SNX9: variants seen among roughly 807,000 people sequenced by gnomAD.
The protein encoded by SNX9 is sorting nexin 9, also known as sorting nexin-9.
In SNX9, 44 loss-of-function variants were observed where a neutral mutation model predicts 89.4. The observed-to-expected ratio is 0.49, with a 90% CI of 0.39 to 0.63. SNX9 has a LOEUF of 0.63. SNX9 is among the 30% of genes least tolerant of loss of function. The pLI, the probability that SNX9 is intolerant of heterozygous loss-of-function variation, is 0.00. For missense variants in SNX9, 578 were observed against 736.1 expected (o/e 0.79, Z 2.49); for synonymous variants, 236 against 247.8 (o/e 0.95, Z 0.45).
intron 1 of SNX9, among the ~76,000 whole-genome samples, chr6:157,838,969 T>G (rs1781640757): frequency 6.6e-6 from 1 of 152,226 alleles, no homozygotes; most frequent in African/African-American, 2.4e-5. Flanking sequence ...TCCTTTTGAT[T>G]TCCAGGTAAG....
intron 1 of SNX9, among the ~76,000 whole-genome samples, chr6:157,828,660 C>T (rs1180288114): frequency 6.6e-6 from 1 of 151,906 alleles, no homozygotes; most frequent in Non-Finnish European, 1.5e-5. Context: ...TGCCCAGCTA[C>T]TTTTTGTATT....
Position 157,945,074 on chromosome 6 carries a change from G to A in SNX9, c.*2236G>A, listed in dbSNP as rs930696981. ...CAATCACATAACTTTTACAAATATA[G>A]TGGAAAAAAAGTCAGTATTTGGAGA... On this transcript the variant is annotated 3_prime_UTR_variant, in exon 18 of 18. Coordinates refer to ENST00000392185, the MANE Select transcript of SNX9 (RefSeq NM_016224.5). The A allele has an allele frequency of 1.3e-5, 2 of 152,138 alleles. No homozygotes were observed. Among genetic ancestry groups the A allele is most frequent in the Non-Finnish European group, 2.9e-5 (2 of 68,028 alleles). The allele number at this position is 152,138 out of a possible 1,614,324, so 9.4% of individuals were successfully genotyped here. A position where few individuals can be genotyped will look rare whatever the true frequency, so the allele number is the denominator to read the frequency against.
intron 1 of SNX9, among the ~76,000 whole-genome samples, chr6:157,833,965 C>T (rs1781522555): frequency 6.6e-6 from 1 of 152,010 alleles, no homozygotes; most frequent in African/African-American, 2.4e-5. Context: ...AGGAGTTGGA[C>T]TTAAGTCTGT....
intron 1 of SNX9, among the ~76,000 whole-genome samples, chr6:157,824,011 T>A (rs183419079): frequency 2.6e-5 from 4 of 152,350 alleles, no homozygotes; most frequent in Non-Finnish European, 4.4e-5. Context: ...TCGCTGCTGT[T>A]ATTTTTTTCT....
chr6:157,942,666 A>G, intron 17 of SNX9, 125 bp from the exon 18 acceptor site: 1 of 1,036,304 alleles, frequency 9.6e-7, no homozygotes, highest in East Asian at 2.5e-5. Context: ...GGCTGGTGCC[A>G]AAAAGACCAG....
intron 9 of SNX9, among the ~76,000 whole-genome samples, chr6:157,917,158 G>C (rs1783489239): frequency 1.3e-5 from 2 of 152,008 alleles, no homozygotes; most frequent in African/African-American, 4.8e-5. Flanking sequence ...GAAGTTGTTA[G>C]GTATAGTTTT....
At chr6:157,887,219 A>C (rs1405616182) in intron 4 of SNX9, among the ~76,000 whole-genome samples, 1 of 152,148 alleles carries the variant, frequency 6.6e-6, no homozygotes, top group African/African-American at 2.4e-5. Flanking sequence ...AGCAACATTT[A>C]GCTTAGGGAT....
At chr6:157,866,362 C>T (rs1708547914) in intron 1 of SNX9, among the ~76,000 whole-genome samples, 1 of 152,082 alleles carries the variant, frequency 6.6e-6, no homozygotes, top group Admixed American at 6.6e-5. Flanking sequence ...TCTCTTGAGC[C>T]CAGGAGTTTG....
At chr6:157,894,726 G>C (rs8180647) in intron 4 of SNX9, among the ~76,000 whole-genome samples, 32,980 of 152,120 alleles carry the variant, frequency 0.22, 3,651 homozygotes, top group Non-Finnish European at 0.23. Flanking sequence ...ACCCCTCAGC[G>C]TGACAGTTGT....
At chr6:157,839,265 A>G (rs947805180) in intron 1 of SNX9, among the ~76,000 whole-genome samples, 3 of 152,232 alleles carry the variant, frequency 2.0e-5, no homozygotes, top group Admixed American at 6.5e-5. Flanking sequence ...GTGATTCATT[A>G]TAGCTGTTAC....
intron 9 of SNX9, among the ~76,000 whole-genome samples, chr6:157,918,341 A>T (rs1322407998): frequency 6.6e-6 from 1 of 152,150 alleles, no homozygotes; most frequent in Non-Finnish European, 1.5e-5. Context: ...GTGACCTCTT[A>T]TATCATGAGG....
At chr6:157,824,801 C>T (rs1220416277) in intron 1 of SNX9, among the ~76,000 whole-genome samples, 1 of 152,096 alleles carries the variant, frequency 6.6e-6, no homozygotes, top group Non-Finnish European at 1.5e-5. Flanking sequence ...AACTTGCCAC[C>T]TTTTTAACGT....
At chr6:157,931,882 G>C (rs771402582) in intron 12 of SNX9, among the ~76,000 whole-genome samples, 9 of 152,158 alleles carry the variant, frequency 5.9e-5, no homozygotes, top group African/African-American at 9.7e-5. Context: ...GATCAAGCGC[G>C]GTGTCGCTAG....
At chr6:157,906,265 C>A in intron 7 of SNX9, 53 bp downstream of exon 7, 1 of 1,407,348 alleles carries the variant, frequency 7.1e-7, no homozygotes, top group Non-Finnish European at 9.8e-7. Context: ...CTTTCTTATA[C>A]CGTACTTTAA....
intron 1 of SNX9, among the ~76,000 whole-genome samples, chr6:157,857,815 G>A (rs1055822375): frequency 4.6e-5 from 7 of 151,490 alleles, no homozygotes; most frequent in Non-Finnish European, 1.0e-4. Flanking sequence ...ATGATATTGG[G>A]GCTTCTCATC....
intron 1 of SNX9, 74 bp from the exon 2 acceptor site, chr6:157,867,473 A>AACTGT (rs147349073): frequency 0.05 from 60,281 of 1,196,600 alleles, 1,836 homozygotes; most frequent in East Asian, 0.1. Context: ...TTAGAAAGTG[A>AACTGT]ACTGTACACC....
chr6:157,858,758 GAAGCAAAGGGACAT>G (rs761954332), intron 1 of SNX9, among the ~76,000 whole-genome samples: 1 of 152,320 alleles, frequency 6.6e-6, no homozygotes, highest in Non-Finnish European at 1.5e-5. Flanking sequence ...AGGCAAAGGA[GAAGCAAAGGGACAT>G]CTTACATGGC....
intron 1 of SNX9, among the ~76,000 whole-genome samples, chr6:157,845,879 T>C (rs1181015885): frequency 6.6e-6 from 1 of 152,248 alleles, no homozygotes; most frequent in Non-Finnish European, 1.5e-5. Context: ...TTTTGTTCTT[T>C]ACTCTTATAA....
In SNX9 at chr6:157,873,290, A is replaced by G. The variant is rs949243159; in HGVS notation, c.174+114A>G. The G allele has an allele frequency of 6.6e-6, 4 of 608,108 alleles. No individual in the cohort carries two copies. The Admixed American group carries it at 1.4e-4, about 22-fold the overall frequency. 37.7% of individuals were successfully genotyped at this position (608,108 alleles called of 1,614,324 possible). ...TTTGCAAAACAAAATTTCCATTGTA[A>G]ATATAATAAATGTTAACTATATAAA... On this transcript the variant is annotated intron_variant, in intron 3 of 17. Coordinates refer to ENST00000392185, the MANE Select transcript of SNX9 (RefSeq NM_016224.5).
Sources: gnomAD v4.1 joint callset for allele counts (sites outside exome capture counted in the v4.1 genomes callset) on GRCh38, gnomAD v4.1.1 for gene constraint, MANE v1.5 for transcripts, NCBI Gene and HGNC (gene_info 2026-07-23, HGNC 2026-07-21) for gene names.